Variants in F11 observed in about 807,000 individuals in gnomAD.
F11 encodes the protein coagualtion factor XI.
Under a neutral mutation model 76.5 loss-of-function variants are expected in F11, and 78 were observed. The ratio of observed to expected loss-of-function variants is 1.02; its 90% CI spans 0.85 to 1.23. The LOEUF (loss-of-function observed/expected upper bound fraction) is 1.23. Among genes scored for constraint, F11 ranks in the 50% most tolerant of loss-of-function variants. F11 has a pLI of 0.00. For missense variants in F11, 742 were observed against 771.4 expected (o/e 0.96, Z 0.45); for synonymous variants, 278 against 276.3 (o/e 1.01, Z -0.06).
chr4:186,283,512 A>T (rs185362879), intron 10 of F11, among the ~76,000 whole-genome samples: 195 of 152,342 alleles, frequency 1.3e-3, no homozygotes, highest in African/African-American at 4.5e-3. Context: ...AGTTCATAGC[A>T]GATCAGTCTT....
chr4:186,280,176 T>C, intron 8 of F11, 47 bp from the exon 9 acceptor site: 1 of 1,614,078 alleles, frequency 6.2e-7, no homozygotes, highest in Non-Finnish European at 8.5e-7. Context: ...AGGAGGCTGA[T>C]ACATGCTGAG....
chr4:186,280,643 A>G (rs1740731198), intron 10 of F11, 63 bp downstream of exon 10: 2 of 1,323,412 alleles, frequency 1.5e-6, no homozygotes, highest in African/African-American at 1.5e-5. Flanking sequence ...CATACATCAC[A>G]ATCAAGACTG....
chr4:186,277,154 A>AT (rs2126744392), intron 7 of F11, among the ~76,000 whole-genome samples: 1 of 152,268 alleles, frequency 6.6e-6, no homozygotes, highest in South Asian at 2.1e-4. Context: ...AGAATCTACA[A>AT]TATTTGACTT....
rs770822193 is a variant in F11, at chr4:186,280,009, T to C, written c.756-3T>C. The C allele has an allele frequency of 6.2e-7, 1 of 1,609,462 alleles. No individual in the cohort carries two copies. Among genetic ancestry groups the C allele is most frequent in the South Asian group, 1.1e-5 (1 of 90,962 alleles). Reference sequence around the variant, plus strand: ...ATTTCTACTTCCCTTTTGTTTTTGTTAGAAATCTTTGTCTCCTTAAAACAT... The same window carrying C: ...ATTTCTACTTCCCTTTTGTTTTTGTCAGAAATCTTTGTCTCCTTAAAACAT... On this transcript the variant is annotated splice_region_variant and splice_polypyrimidine_tract_variant and intron_variant, in intron 7 of 14. Transcript: ENST00000403665.
intron 11 of F11, 65 bp downstream of exon 11, chr4:186,284,325 A>C: frequency 7.4e-7 from 1 of 1,350,968 alleles, no homozygotes; most frequent in Non-Finnish European, 1.0e-6. Flanking sequence ...TATTACTAGC[A>C]TGTTAGGAAA....
chr4:186,281,641 G>A (rs1214241032), intron 10 of F11, among the ~76,000 whole-genome samples: 1 of 152,138 alleles, frequency 6.6e-6, no homozygotes, highest in East Asian at 1.9e-4. Flanking sequence ...AGTAACTTAG[G>A]ATGGCTTTAC....
Position 186,283,681 on chromosome 4 carries a change from G to C in F11, c.1136-411G>C, listed in dbSNP as rs139731820. Among the ~76,000 whole-genome samples the C allele has an allele frequency of 2.9e-4, 44 of 152,326 alleles. 1 individual carries two copies. The highest frequency in any genetic ancestry group is 3.4e-3 in the Middle Eastern group (1 of 294). ...CGCCAGCAGGGCTGGTTCAAACACAGATGGCTGAGCTTCCAGGCTGGAGTT... is the reference window on the plus strand; with the variant it reads ...CGCCAGCAGGGCTGGTTCAAACACACATGGCTGAGCTTCCAGGCTGGAGTT... On this transcript the variant is annotated intron_variant, in intron 10 of 14. Transcript: ENST00000403665.
chr4:186,288,806 AGTTT>A lies in F11; in HGVS notation c.*198_*201del, dbSNP rs555344319. The stretch of plus-strand genomic sequence containing the variant: ...AAAACTCCCGTTCTATGATCGTTGT[AGTTT>A]GTTTGAGCATTCAGTCTCTTTGTTT... On this transcript the variant is annotated 3_prime_UTR_variant, in exon 15 of 15. Transcript: ENST00000403665. 1.1e-4 allele frequency: 69 copies of A among 629,796 alleles called. 1 individual carries two copies. In the South Asian group the frequency reaches 1.1e-3, roughly 10 times the overall value. The allele number at this position is 629,796 out of a possible 1,614,324, so 39.0% of individuals were successfully genotyped here.
Position 186,271,738 on chromosome 4 carries a change from C to G in F11, c.185C>G (p.Thr62Arg). ...YHPRCLLFTF[T>R]AESPSEDPTR... The stretch of plus-strand genomic sequence containing the variant: ...CCAAGATGTTTACTCTTCACTTTCA[C>G]GGCGGAATCACCATCTGAGGATCCC... The change falls in exon 3 of 15, where the codon ACG becomes AGG. Residue 62 changes from threonine (T) to arginine (R), a missense_variant. Thr to Arg is a moderately conservative substitution (Grantham distance 71). Coordinates refer to ENST00000403665, the MANE Select transcript of F11 (RefSeq NM_000128.4). The G allele has an allele frequency of 6.2e-7, 1 of 1,614,192 alleles. No individual in the cohort carries two copies. Among genetic ancestry groups the G allele is most frequent in the Non-Finnish European group, 8.5e-7 (1 of 1,180,030 alleles).
chr4:186,267,662 T>C (rs1415348498), intron 2 of F11, among the ~76,000 whole-genome samples: 1 of 152,216 alleles, frequency 6.6e-6, no homozygotes, highest in Non-Finnish European at 1.5e-5. Context: ...GCTAAATTTG[T>C]TTATAAATTA....
chr4:186,278,292 C>G (rs1018697729), intron 7 of F11, among the ~76,000 whole-genome samples: 1 of 152,180 alleles, frequency 6.6e-6, no homozygotes, highest in African/African-American at 2.4e-5. Flanking sequence ...GTGTGCCTTG[C>G]CTATCACATG....
Position 186,284,255 on chromosome 4 carries a change from C to T in F11, c.1299C>T (p.Phe433=). The change falls in exon 11 of 15, where the codon TTC becomes TTT. Residue 433 remains phenylalanine, a synonymous_variant. Coordinates refer to ENST00000403665, the MANE Select transcript of F11 (RefSeq NM_000128.4). ...GGATATTAACAGCCGCTCACTGTTT[C>T]TATGGGTCAGTACCACGGCTGTTTT... is the stretch of plus-strand genomic sequence containing the variant. ...NQWILTAAHC[F]YGVESPKILR... is the part of the protein sequence containing the mutation. The T allele has an allele frequency of 3.7e-6, 6 of 1,613,554 alleles. No homozygotes were observed. In the South Asian group the frequency reaches 6.6e-5, roughly 18 times the overall value.
rs1336492669 is a variant in F11 at position 186,284,270 on chromosome 4, A to T, written c.1304+10A>T. The T allele has an allele frequency of 1.9e-6, 3 of 1,607,382 alleles. No individual in the cohort carries two copies. In the South Asian group the frequency reaches 3.3e-5, roughly 18 times the overall value. On this transcript the variant is annotated intron_variant, in intron 11 of 14. Transcript: ENST00000403665. ...CTCACTGTTTCTATGGGTCAGTACC[A>T]CGGCTGTTTTTATTAGTTCATCTTC...
At position 186,276,234 on chromosome 4, in the gene F11, G is replaced by A. The variant is rs757817254; in HGVS notation, c.599G>A (p.Cys200Tyr). 2.2e-5 allele frequency: 36 copies of A among 1,614,000 alleles called. No individual in the cohort carries two copies. Among genetic ancestry groups the A allele is most frequent in the Admixed American group, 3.3e-5 (2 of 59,994 alleles). The part of the protein sequence containing the change: ...LKSCALSNLA[C>Y]IRDIFPNTVF... ...ACATAGTTCTTCCGTCGCGCAGCTT[G>A]TATTAGGGACATTTTCCCTAATACG... Residue 200 changes from cysteine (C) to tyrosine (Y), a missense_variant, in exon 7 of 15, where the codon TGT (cysteine) becomes TAT (tyrosine). Cys to Tyr is a radical substitution (Grantham distance 194). Coordinates refer to ENST00000403665, the MANE Select transcript of F11 (RefSeq NM_000128.4).
chr4:186,280,064 A>G lies in F11; in HGVS notation c.808A>G (p.Lys270Glu), dbSNP rs1281302689. Residue 270 changes from lysine (K) to glutamate (E), a missense_variant, in exon 8 of 15, where the codon AAA becomes GAA. Transcript: ENST00000403665. ...GAGTGGATTGCCCAGTACACGCATT[A>G]AAAAGAGCAAAGCTCTTTCTGGTTT... is the stretch of plus-strand genomic sequence containing the variant. ...SESGLPSTRI[K>E]KSKALSGFSL... 6.2e-7 allele frequency: 1 copy of G among 1,614,180 alleles called. No individual in the cohort carries two copies. The highest frequency in any genetic ancestry group is 2.2e-5 in the East Asian group (1 of 44,880).
intron 7 of F11, among the ~76,000 whole-genome samples, chr4:186,277,837 C>CA (rs1462443279): frequency 1.3e-5 from 2 of 152,286 alleles, no homozygotes; most frequent in African/African-American, 4.8e-5. Flanking sequence ...CTTGCTCTGT[C>CA]ACTCAGATTT....
At chr4:186,285,085 C>T (rs1741085695) in intron 11 of F11, among the ~76,000 whole-genome samples, 1 of 152,134 alleles carries the variant, frequency 6.6e-6, no homozygotes, top group Admixed American at 6.6e-5. Flanking sequence ...GTTAAGTTGG[C>T]CAAACTTTCC....
intron 2 of F11, among the ~76,000 whole-genome samples, chr4:186,270,354 T>A (rs554835730): frequency 3.2e-4 from 48 of 152,344 alleles, no homozygotes; most frequent in African/African-American, 1.1e-3. Flanking sequence ...ATTGTATCTG[T>A]ACTCAACGTG....
At chr4:186,288,133 C>G (rs1257833528) in intron 14 of F11, among the ~76,000 whole-genome samples, 3 of 151,652 alleles carry the variant, frequency 2.0e-5, no homozygotes, top group Admixed American at 6.6e-5. Context: ...AGGATGGTCT[C>G]GATCTCCTGA....
Sources: gnomAD v4.1 joint callset for allele counts (sites outside exome capture counted in the v4.1 genomes callset) on GRCh38, gnomAD v4.1.1 for gene constraint, MANE v1.5 for transcripts, NCBI Gene and HGNC (gene_info 2026-07-23, HGNC 2026-07-21) for gene names.